Variants in FKBP9 observed in about 807,000 individuals in gnomAD.
The protein encoded by FKBP9 is FKBP prolyl isomerase 9, also known as peptidyl-prolyl cis-trans isomerase FKBP9.
Under a neutral mutation model 55.6 loss-of-function variants are expected in FKBP9, and 27 were observed. The ratio of observed to expected loss-of-function variants is 0.49; its 90% CI spans 0.36 to 0.67. The LOEUF is 0.67. FKBP9 is among the 30% of genes least tolerant of loss of function. FKBP9 has a pLI of 0.00. For synonymous variants in FKBP9, 267 were observed against 296.5 expected (o/e 0.90, Z 1.02); for missense variants, 539 against 742.8 (o/e 0.73, Z 3.19).
chr7:32,997,145 C>A (rs1255720564), intron 7 of FKBP9, among the ~76,000 whole-genome samples: 4 of 152,074 alleles, frequency 2.6e-5, no homozygotes, highest in African/African-American at 7.2e-5. Context: ...TCTCGGCTCA[C>A]TGCAACCTCT....
At chr7:32,971,717 A>C (rs1027785817) in intron 1 of FKBP9, among the ~76,000 whole-genome samples, 1 of 152,108 alleles carries the variant, frequency 6.6e-6, no homozygotes, top group Non-Finnish European at 1.5e-5. Flanking sequence ...GTTTCTATAC[A>C]CCTCTAGGGA....
rs138779515 is a variant in FKBP9 at position 32,988,534 on chromosome 7, G to C, written c.921G>C (p.Thr307=). 2 of 1,613,688 alleles carry C rather than the reference G, an allele frequency of 1.2e-6. No individual in the cohort carries two copies. The highest frequency in any genetic ancestry group is 2.2e-5 in the South Asian group (2 of 91,070). The change falls in exon 6 of 10, where the codon ACG becomes ACC. Residue 307 remains threonine, a synonymous_variant. Coordinates refer to ENST00000242209, the MANE Select transcript of FKBP9 (RefSeq NM_007270.5). Reference sequence around the variant, plus strand: ...ACTCTCGGAACCGCACGTTTGACACGTACATTGGGCAGGGCTACGTGATTC... The same window carrying C: ...ACTCTCGGAACCGCACGTTTGACACCTACATTGGGCAGGGCTACGTGATTC... ...SSYSRNRTFD[T]YIGQGYVIPG...
In FKBP9 at chr7:32,963,036, C is replaced by A. The variant is rs368069611; in HGVS notation, c.221+5242C>A. ...GCCTTGTGAGTATTATGCATAGATA[C>A]CTCTACCCGTTCCAGGGAAGGAAGG... On this transcript the variant is annotated intron_variant, in intron 1 of 9. Coordinates refer to ENST00000242209, the MANE Select transcript of FKBP9 (RefSeq NM_007270.5). 1.1e-3 allele frequency among the ~76,000 whole-genome samples: 174 copies of A among 152,322 alleles called. 2 individuals are homozygous for A. In the Middle Eastern group the frequency reaches 0.027, roughly 24 times the overall value.
intron 1 of FKBP9, among the ~76,000 whole-genome samples, chr7:32,967,786 C>T (rs1184438661): frequency 1.3e-5 from 2 of 151,928 alleles, no homozygotes. Context: ...CAGAGTTTCG[C>T]TCTTATTGCC....
At position 32,992,198 on chromosome 7, in the gene FKBP9, C is replaced by T. The variant is rs182358297; in HGVS notation, c.1039+3546C>T. Among the ~76,000 whole-genome samples, 9 of 152,216 alleles carry T rather than the reference C, an allele frequency of 5.9e-5. No individual in the cohort carries two copies. In the South Asian group the frequency reaches 1.2e-3, roughly 21 times the overall value. On this transcript the variant is annotated intron_variant, in intron 6 of 9. Coordinates refer to ENST00000242209, the MANE Select transcript of FKBP9 (RefSeq NM_007270.5). ...CTAGAGCTCTCAGAGGAAACACACC[C>T]GCTCAGAGGAAACCCACCTTCCTCA...
rs765369938 is a variant in FKBP9 at position 32,975,329 on chromosome 7, A to G, written c.515A>G (p.His172Arg). The G allele has an allele frequency of 3.7e-6, 6 of 1,613,884 alleles. No homozygotes were observed. The highest frequency in any genetic ancestry group is 1.1e-5 in the South Asian group (1 of 91,082). The change falls in exon 3 of 10, where the codon CAC (histidine) becomes CGC (arginine). Residue 172 changes from histidine (H) to arginine (R), a missense_variant. By Grantham distance (29) the His-to-Arg change is conservative (BLOSUM62 0). Transcript: ENST00000242209. ...TIQVSDFVRY[H>R]YNGTFLDGTL... ...CAGGTGTCTGATTTTGTGAGGTACC[A>G]CTACAACGGGACGTTCCTGGACGGA...
At chr7:33,004,891 G>C (rs1298580198) in intron 9 of FKBP9, among the ~76,000 whole-genome samples, 1 of 151,980 alleles carries the variant, frequency 6.6e-6, no homozygotes, top group Non-Finnish European at 1.5e-5. Flanking sequence ...CTTTGGTGGG[G>C]AACCAACTTG....
Position 33,000,256 on chromosome 7 carries a change from C to G in FKBP9, c.1368C>G (p.Gly456=). Residue 456 remains glycine (G), a synonymous_variant, in exon 8 of 10, where the codon GGC becomes GGG. Coordinates refer to ENST00000242209, the MANE Select transcript of FKBP9 (RefSeq NM_007270.5). ...CTCACCTGGGCTATGGGGAAGCTGG[C>G]GTGGGTGAGTAAGCAACGCTATTCA... ...IPPHLGYGEA[G]VDGEVPGSAV... 1 of 1,609,868 alleles carries G rather than the reference C, an allele frequency of 6.2e-7. No homozygotes were observed. Among genetic ancestry groups the G allele is most frequent in the Non-Finnish European group, 8.5e-7 (1 of 1,176,820 alleles).
chr7:33,004,802 G>A (rs1379405846), intron 9 of FKBP9, among the ~76,000 whole-genome samples: 1 of 152,054 alleles, frequency 6.6e-6, no homozygotes, highest in Non-Finnish European at 1.5e-5. Context: ...GCACATAGTA[G>A]ACCATATGTT....
intron 1 of FKBP9, among the ~76,000 whole-genome samples, chr7:32,967,280 A>G (rs926547118): frequency 6.6e-6 from 1 of 152,226 alleles, no homozygotes. Flanking sequence ...TTTGAACTGT[A>G]TAATAGTGTT....
At chr7:32,971,923 T>C (rs3109433) in intron 1 of FKBP9, among the ~76,000 whole-genome samples, 117,836 of 152,104 alleles carry the variant, frequency 0.77, 45,817 homozygotes, top group South Asian at 0.86. Context: ...CTGTGCCCAA[T>C]AAATAATAGA....
chr7:32,965,878 T>TACACATAC (rs1405571579), intron 1 of FKBP9, among the ~76,000 whole-genome samples: 22 of 99,654 alleles, frequency 2.2e-4, no homozygotes, highest in Non-Finnish European at 2.6e-4. Flanking sequence ...CATACATATA[T>TACACATAC]ATATATAGAG....
At chr7:32,960,380 G>T (rs1783998173) in intron 1 of FKBP9, among the ~76,000 whole-genome samples, 2 of 152,104 alleles carry the variant, frequency 1.3e-5, no homozygotes, top group Non-Finnish European at 2.9e-5. Flanking sequence ...CTCCCAAAGT[G>T]CTGGGATTAC....
intron 1 of FKBP9, among the ~76,000 whole-genome samples, chr7:32,969,732 G>A (rs974351785): frequency 2.0e-5 from 3 of 152,110 alleles, no homozygotes; most frequent in African/African-American, 4.8e-5. Flanking sequence ...GCCAGGCACC[G>A]TGGCTCACAC....
chr7:32,965,564 G>T (rs890410190), intron 1 of FKBP9, among the ~76,000 whole-genome samples: 1 of 151,740 alleles, frequency 6.6e-6, no homozygotes, highest in Non-Finnish European at 1.5e-5. Flanking sequence ...ACTTTGGGAG[G>T]CCGAGGCAGG....
chr7:32,963,002 G>T (rs1297287752), intron 1 of FKBP9, among the ~76,000 whole-genome samples: 1 of 152,148 alleles, frequency 6.6e-6, no homozygotes, highest in South Asian at 2.1e-4. Flanking sequence ...CAGCCAGCAT[G>T]CAGTGAGTGC....
chr7:32,993,744 C>T (rs192966746), intron 6 of FKBP9, among the ~76,000 whole-genome samples: 13 of 151,438 alleles, frequency 8.6e-5, no homozygotes, highest in Admixed American at 7.2e-4. Flanking sequence ...ACCCGGGGGA[C>T]GGAGGTTGCG....
At chr7:32,976,794 A>G (rs1784371167) in intron 4 of FKBP9, among the ~76,000 whole-genome samples, 1 of 152,188 alleles carries the variant, frequency 6.6e-6, no homozygotes, top group Non-Finnish European at 1.5e-5. Context: ...TCTATTTGAC[A>G]GTGCTAGTCT....
chr7:32,977,892 C>T (rs1383965467), intron 4 of FKBP9, among the ~76,000 whole-genome samples: 17 of 116,764 alleles, frequency 1.5e-4, no homozygotes, highest in African/African-American at 4.7e-4. Context: ...TGTATATATA[C>T]ACTCATATAT....
Sources: allele counts gnomAD v4.1 joint callset (sites outside exome capture counted in the v4.1 genomes callset), GRCh38; gene constraint gnomAD v4.1.1; transcripts MANE v1.5; gene names NCBI Gene and HGNC (gene_info 2026-07-23, HGNC 2026-07-21).